The following HDAC9 variants were observed in gnomAD, a reference collection of about 807,000 sequenced individuals.
HDAC9 encodes the protein MEF-2 interacting transcription repressor (MITR) protein.
HDAC9 carries 41 observed loss-of-function variants against 139.4 expected under a neutral mutation model. The observed-to-expected ratio is 0.29, with a 90% CI of 0.23 to 0.38. The LOEUF (loss-of-function observed/expected upper bound fraction) is 0.38, where lower values mean the gene tolerates loss of function less well. HDAC9 is among the 10% of genes least tolerant of loss of function. The pLI, the probability that HDAC9 is intolerant of heterozygous loss-of-function variation, is 1.00. For missense variants in HDAC9, 1,147 were observed against 1,297.0 expected (o/e 0.88, Z 1.78); for synonymous variants, 517 against 476.2 (o/e 1.09, Z -1.12).
intron 1 of HDAC9, among the ~76,000 whole-genome samples, chr7:18,393,555 A>T (rs1234269777): frequency 1.3e-5 from 2 of 151,912 alleles, no homozygotes; most frequent in Non-Finnish European, 2.9e-5. Context: ...AGGGAGGGGG[A>T]GGCATGTAGA....
At chr7:18,682,339 G>T (rs371426971) in intron 12 of HDAC9, among the ~76,000 whole-genome samples, 1 of 151,526 alleles carries the variant, frequency 6.6e-6, no homozygotes. Flanking sequence ...ATCCATTTTG[G>T]GATTCATTAT....
rs151215814 is a variant in HDAC9 at position 18,767,523 on chromosome 7, T to C, written c.2214+368T>C. On this transcript the variant is annotated intron_variant, in intron 16 of 25. Transcript: ENST00000686413. ...ACAGATTTGCAGCAGAATTCCATTT[T>C]CAATAGAATCACATTGAGTACGCAC... 3.2e-3 allele frequency among the ~76,000 whole-genome samples: 484 copies of C among 152,344 alleles called. 2 individuals are homozygous for C. The highest frequency in any genetic ancestry group is 5.8e-3 in the Non-Finnish European group (396 of 68,032).
intron 17 of HDAC9, among the ~76,000 whole-genome samples, chr7:18,821,181 T>C (rs1794940844): frequency 6.6e-6 from 1 of 152,230 alleles, no homozygotes; most frequent in South Asian, 2.1e-4. Flanking sequence ...CTTATCCGAT[T>C]TATGATAGGA....
intron 17 of HDAC9, among the ~76,000 whole-genome samples, chr7:18,816,599 G>C (rs1368842169): frequency 6.6e-6 from 1 of 152,212 alleles, no homozygotes; most frequent in Non-Finnish European, 1.5e-5. Context: ...AAAACCAAGG[G>C]AGGTGATGCA....
chr7:18,957,636 G>T (rs1165729399), intron 24 of HDAC9, among the ~76,000 whole-genome samples: 2 of 152,058 alleles, frequency 1.3e-5, no homozygotes, highest in African/African-American at 2.4e-5. Flanking sequence ...TTTCTGGAGG[G>T]TAACAGCAAA....
intron 12 of HDAC9, among the ~76,000 whole-genome samples, chr7:18,717,523 C>G (rs556823191): frequency 1.3e-5 from 2 of 151,922 alleles, no homozygotes; most frequent in South Asian, 4.2e-4. Context: ...CCTCCGCCCC[C>G]CAGGTTCAAG....
intron 3 of HDAC9, among the ~76,000 whole-genome samples, chr7:18,588,652 A>G (rs1830099023): frequency 1.3e-5 from 2 of 152,298 alleles, no homozygotes; most frequent in Non-Finnish European, 2.9e-5. Context: ...TGTGAGGAAC[A>G]TGCCATTGGC....
At chr7:18,822,901 T>G (rs1158608320) in intron 17 of HDAC9, among the ~76,000 whole-genome samples, 2 of 152,246 alleles carry the variant, frequency 1.3e-5, no homozygotes, top group Non-Finnish European at 2.9e-5. Flanking sequence ...TATTAGATTT[T>G]ATTATGTATC....
intron 22 of HDAC9, among the ~76,000 whole-genome samples, chr7:18,888,986 T>C (rs1168445074): frequency 6.6e-6 from 1 of 152,198 alleles, no homozygotes; most frequent in Non-Finnish European, 1.5e-5. Context: ...ATTTCAGAAA[T>C]TATTTTACCA....
chr7:18,359,903 C>T (rs551854550), intron 1 of HDAC9, among the ~76,000 whole-genome samples: 7 of 152,320 alleles, frequency 4.6e-5, no homozygotes, highest in Admixed American at 2.6e-4. Context: ...GCCACCGTGC[C>T]TGGCCACTTC....
In HDAC9 at chr7:18,591,504, TG is replaced by T; in HGVS notation, c.416-11del. 2 of 1,561,418 alleles carry T rather than the reference TG, an allele frequency of 1.3e-6. No homozygotes were observed. Among genetic ancestry groups the T allele is most frequent in the South Asian group, 2.4e-5 (2 of 84,938 alleles). The stretch of plus-strand genomic sequence containing the variant: ...GTGTGTGTGTGTGTGTGTGTGTGTG[TG>T]TGTATTTCAGGGGCAGTGGCAAGTA... On this transcript the variant is annotated splice_polypyrimidine_tract_variant and intron_variant, in intron 4 of 25. Transcript: ENST00000686413.
chr7:18,925,625 A>T (rs927265434), intron 22 of HDAC9, among the ~76,000 whole-genome samples: 22 of 150,452 alleles, frequency 1.5e-4, no homozygotes, highest in African/African-American at 4.9e-4. Flanking sequence ...TATAAGTTAA[A>T]TTTTTTTAGT....
intron 17 of HDAC9, among the ~76,000 whole-genome samples, chr7:18,808,821 A>C (rs1484368803): frequency 1.3e-5 from 2 of 152,120 alleles, no homozygotes; most frequent in Non-Finnish European, 2.9e-5. Flanking sequence ...AAAGACCCTG[A>C]ATAGCCAAAG....
At chr7:18,433,716 A>G (rs1018323868) in intron 1 of HDAC9, among the ~76,000 whole-genome samples, 2 of 152,178 alleles carry the variant, frequency 1.3e-5, no homozygotes, top group Non-Finnish European at 2.9e-5. Flanking sequence ...CTAACCAGGG[A>G]GGTGGAAGAT....
chr7:18,440,677 C>G (rs943876429), intron 1 of HDAC9, among the ~76,000 whole-genome samples: 1 of 151,968 alleles, frequency 6.6e-6, no homozygotes, highest in Non-Finnish European at 1.5e-5. Flanking sequence ...TTACCCTTAT[C>G]GATTATATTA....
At chr7:18,230,136 A>C (rs369766851) in intron 2 of HDAC9, among the ~76,000 whole-genome samples, 3 of 152,182 alleles carry the variant, frequency 2.0e-5, no homozygotes, top group Admixed American at 6.5e-5. Context: ...ACATAGGATA[A>C]ATTCTGCAAG....
intron 1 of HDAC9, among the ~76,000 whole-genome samples, chr7:18,431,287 C>T (rs927925817): frequency 2.0e-5 from 3 of 152,192 alleles, no homozygotes; most frequent in Non-Finnish European, 2.9e-5. Flanking sequence ...AGCCCTTTGA[C>T]TCTTTTACTT....
intron 1 of HDAC9, among the ~76,000 whole-genome samples, chr7:18,126,206 A>G (rs1584197941): frequency 6.6e-6 from 1 of 152,218 alleles, no homozygotes; most frequent in South Asian, 2.1e-4. Context: ...TTAAAATACT[A>G]CATTTAGCAT....
At chr7:18,995,509 G>C (rs1230111243) in intron 25 of HDAC9, among the ~76,000 whole-genome samples, 2 of 152,158 alleles carry the variant, frequency 1.3e-5, no homozygotes, top group African/African-American at 4.8e-5. Flanking sequence ...TAAAAATATT[G>C]GGTCTGTAGC....
Sources: allele counts gnomAD v4.1 joint callset (sites outside exome capture counted in the v4.1 genomes callset), GRCh38; gene constraint gnomAD v4.1.1; transcripts MANE v1.5; gene names NCBI Gene and HGNC (gene_info 2026-07-23, HGNC 2026-07-21).